Variants in MAPRE2 observed in about 807,000 individuals in gnomAD.
MAPRE2 encodes microtubule associated protein RP/EB family member 2.
Under a neutral mutation model 43.2 loss-of-function variants are expected in MAPRE2, and 13 were observed. The observed-to-expected ratio is 0.30, with a 90% CI of 0.20 to 0.48. The LOEUF (loss-of-function observed/expected upper bound fraction) is 0.48, where lower values mean the gene tolerates loss of function less well. Ranked by LOEUF, MAPRE2 falls within the 20% of genes least tolerant of loss-of-function variation. MAPRE2 has a pLI of 0.99. For missense variants in MAPRE2, 161 were observed against 400.2 expected (o/e 0.40, Z 5.10); for synonymous variants, 135 against 148.8 (o/e 0.91, Z 0.68).
intron 1 of MAPRE2, among the ~76,000 whole-genome samples, chr18:34,990,592 A>G (rs1477928017): frequency 6.6e-6 from 1 of 152,168 alleles, no homozygotes; most frequent in Non-Finnish European, 1.5e-5. Flanking sequence ...CCTGACTCTC[A>G]TCTATGATAA....
chr18:35,021,037 T>C (rs1433224317), intron 2 of MAPRE2, among the ~76,000 whole-genome samples: 1 of 152,036 alleles, frequency 6.6e-6, no homozygotes, highest in Admixed American at 6.6e-5. Flanking sequence ...CTGTGTAAAA[T>C]GGTAGATGAA....
At chr18:35,062,018 C>T (rs1460708736) in intron 1 of MAPRE2, among the ~76,000 whole-genome samples, 4 of 152,220 alleles carry the variant, frequency 2.6e-5, no homozygotes, top group Non-Finnish European at 4.4e-5. Context: ...CACATTTACA[C>T]TGTCCCTCCC....
At chr18:35,016,357 T>C (rs1444046953) in intron 2 of MAPRE2, among the ~76,000 whole-genome samples, 1 of 152,038 alleles carries the variant, frequency 6.6e-6, no homozygotes, top group Non-Finnish European at 1.5e-5. Flanking sequence ...AATGTAGTTC[T>C]GTTTAAGTTC....
chr18:35,135,398 A>G (rs1374261734), intron 6 of MAPRE2, among the ~76,000 whole-genome samples: 1 of 151,580 alleles, frequency 6.6e-6, no homozygotes, highest in East Asian at 1.9e-4. Context: ...GCCCCCTAGC[A>G]CTCCACCTCC....
chr18:35,050,859 C>G (rs1427852148), intron 1 of MAPRE2, among the ~76,000 whole-genome samples: 2 of 152,130 alleles, frequency 1.3e-5, no homozygotes, highest in East Asian at 3.9e-4. Context: ...TGTTTCAGCC[C>G]TCTCACCCAG....
Position 35,126,993 on chromosome 18 carries a change from C to G in MAPRE2, c.656C>G (p.Ser219Cys), listed in dbSNP as rs939240559. Reference protein sequence around the residue: ...SPAAKPGSTPSRPSSAKRASS... With the variant: ...SPAAKPGSTPCRPSSAKRASS... The stretch of plus-strand genomic sequence containing the variant: ...GCAGCTAAACCAGGATCCACACCTT[C>G]TCGACCCTCATCAGCCAAAAGGGCT... Residue 219 changes from serine (S) to cysteine (C), a missense_variant, in exon 5 of 7, where the codon TCT (serine) becomes TGT (cysteine). Physicochemically the swap from Ser to Cys is moderately radical, Grantham distance 112. Coordinates refer to ENST00000300249, the MANE Select transcript of MAPRE2 (RefSeq NM_014268.4). 3 of 1,614,056 alleles carry G rather than the reference C, an allele frequency of 1.9e-6. No homozygotes were observed. The highest frequency in any genetic ancestry group is 2.5e-6 in the Non-Finnish European group (3 of 1,180,012).
chr18:35,095,363 TACACACACACAC>T (rs34361204), intron 2 of MAPRE2, among the ~76,000 whole-genome samples: 5 of 136,090 alleles, frequency 3.7e-5, no homozygotes, highest in Admixed American at 7.4e-5. Flanking sequence ...TTTAAGAAAA[TACACACACACAC>T]ACACACACAC....
intron 1 of MAPRE2, among the ~76,000 whole-genome samples, chr18:34,998,040 C>T (rs552290470): frequency 2.7e-4 from 41 of 152,308 alleles, no homozygotes; most frequent in African/African-American, 9.6e-4. Context: ...GGGGTATCGG[C>T]TCCACAACTT....
At chr18:35,060,077 T>G (rs539242435) in intron 1 of MAPRE2, among the ~76,000 whole-genome samples, 205 of 152,330 alleles carry the variant, frequency 1.3e-3, no homozygotes, top group South Asian at 8.5e-3. Context: ...GACTAACAAC[T>G]GAGCATGACC....
At chr18:35,064,560 G>A (rs1603396630) in intron 1 of MAPRE2, among the ~76,000 whole-genome samples, 1 of 152,204 alleles carries the variant, frequency 6.6e-6, no homozygotes, top group East Asian at 1.9e-4. Context: ...CACTTCTCTG[G>A]AATAATTCAC....
chr18:35,113,543 A>G lies in MAPRE2; in HGVS notation c.610+11384A>G, dbSNP rs575567896. 3.5e-3 allele frequency among the ~76,000 whole-genome samples: 533 copies of G among 152,344 alleles called. 4 individuals carry two copies. The highest frequency in any genetic ancestry group is 4.8e-3 in the Non-Finnish European group (327 of 68,028). ...TTGTGATACTATTACTTTGCAACTC[A>G]GAATCTGAATCTTAATATGAATAGA... On this transcript the variant is annotated intron_variant, in intron 4 of 6. Coordinates refer to ENST00000300249, the MANE Select transcript of MAPRE2 (RefSeq NM_014268.4).
At chr18:35,123,757 G>C (rs939902118) in intron 4 of MAPRE2, among the ~76,000 whole-genome samples, 2 of 152,160 alleles carry the variant, frequency 1.3e-5, no homozygotes, top group Middle Eastern at 3.2e-3. Context: ...CCTTACCCTG[G>C]AGAGATGCCT....
chr18:35,111,679 G>T (rs554531119), intron 4 of MAPRE2, among the ~76,000 whole-genome samples: 1 of 152,208 alleles, frequency 6.6e-6, no homozygotes, highest in East Asian at 1.9e-4. Context: ...AGGCCTGTCT[G>T]TGCCTTTATG....
At chr18:35,111,250 T>A (rs1909161343) in intron 4 of MAPRE2, among the ~76,000 whole-genome samples, 1 of 152,194 alleles carries the variant, frequency 6.6e-6, no homozygotes, top group African/African-American at 2.4e-5. Flanking sequence ...ATTTTTAAAT[T>A]TCAGCTATTG....
intron 2 of MAPRE2, among the ~76,000 whole-genome samples, chr18:35,081,506 T>C (rs1907628112): frequency 6.6e-6 from 1 of 152,206 alleles, no homozygotes; most frequent in South Asian, 2.1e-4. Context: ...TTCTGGGCTT[T>C]CTCTGGACGG....
At chr18:35,102,340 G>A (rs1908718074) in intron 4 of MAPRE2, among the ~76,000 whole-genome samples, 181 bp downstream of exon 4, 1 of 152,148 alleles carries the variant, frequency 6.6e-6, no homozygotes, top group Non-Finnish European at 1.5e-5. Flanking sequence ...TTTGTCATTA[G>A]TCTAACCATC....
intron 2 of MAPRE2, among the ~76,000 whole-genome samples, chr18:35,009,106 TG>T (rs2097033161): frequency 6.6e-6 from 1 of 152,132 alleles, no homozygotes; most frequent in Non-Finnish European, 1.5e-5. Context: ...TTGACTTTAC[TG>T]GGGAACTAAG....
chr18:35,012,994 A>C (rs1281065358), intron 2 of MAPRE2, among the ~76,000 whole-genome samples: 3 of 152,208 alleles, frequency 2.0e-5, no homozygotes, highest in Non-Finnish European at 4.4e-5. Context: ...CTATCATGGA[A>C]GCCAAGGGAA....
At chr18:35,056,056 C>T (rs1906213809) in intron 1 of MAPRE2, among the ~76,000 whole-genome samples, 1 of 150,068 alleles carries the variant, frequency 6.7e-6, no homozygotes, top group Non-Finnish European at 1.5e-5. Context: ...TCTGTATTTT[C>T]TGCATTAGTG....
Sources: allele counts gnomAD v4.1 joint callset (sites outside exome capture counted in the v4.1 genomes callset), GRCh38; gene constraint gnomAD v4.1.1; transcripts MANE v1.5; gene names NCBI Gene and HGNC (gene_info 2026-07-23, HGNC 2026-07-21).